Variants in TBCE observed in about 807,000 individuals in gnomAD.
TBCE encodes the protein tubulin folding cofactor E, also known as tubulin-specific chaperone E.
TBCE carries 53 observed loss-of-function variants against 77.0 expected under a neutral mutation model. The observed-to-expected ratio is 0.69, with a 90% CI of 0.55 to 0.87. TBCE has a LOEUF of 0.87. Ranked by LOEUF, TBCE falls within the 40% of genes least tolerant of loss-of-function variation. TBCE has a pLI of 0.00. For missense variants in TBCE, 624 were observed against 622.4 expected (o/e 1.00, Z -0.03); for synonymous variants, 235 against 241.3 (o/e 0.97, Z 0.24).
intron 12 of TBCE, among the ~76,000 whole-genome samples, chr1:235,437,779 C>A (rs1210779061): frequency 1.3e-5 from 2 of 150,584 alleles, no homozygotes; most frequent in Non-Finnish European, 3.0e-5. Context: ...ATGAACATGC[C>A]ACTGCACTCC....
intron 3 of TBCE, among the ~76,000 whole-genome samples, chr1:235,405,094 C>T (rs998972959): frequency 3.3e-5 from 5 of 151,728 alleles, no homozygotes; most frequent in African/African-American, 1.2e-4. Flanking sequence ...TTCCGAGTAG[C>T]TGGGACTACA....
At chr1:235,394,064 AATTTT>A (rs1460237824) in intron 2 of TBCE, among the ~76,000 whole-genome samples, 2 of 152,108 alleles carry the variant, frequency 1.3e-5, no homozygotes, top group Non-Finnish European at 2.9e-5. Context: ...ATTTGTAACA[AATTTT>A]ATTTTATTTT....
chr1:235,403,989 A>T (rs1358794383), intron 3 of TBCE, among the ~76,000 whole-genome samples: 3 of 152,232 alleles, frequency 2.0e-5, no homozygotes, highest in Non-Finnish European at 4.4e-5. Context: ...CAGTAAAAAT[A>T]AAAAATTGGC....
At chr1:235,448,496 C>CATTA (rs1319664947) in intron 16 of TBCE, 56 bp downstream of exon 16, 17 of 1,529,564 alleles carry the variant, frequency 1.1e-5, no homozygotes, top group Non-Finnish European at 1.5e-5. Flanking sequence ...CGTATTATGA[C>CATTA]ATTAAACTGT....
At chr1:235,393,676 G>C (rs1572350781) in intron 2 of TBCE, among the ~76,000 whole-genome samples, 1 of 152,054 alleles carries the variant, frequency 6.6e-6, no homozygotes, top group Non-Finnish European at 1.5e-5. Flanking sequence ...GTTGACACAG[G>C]TAGTCTGGTA....
chr1:235,397,466 G>T (rs143143470), intron 2 of TBCE, among the ~76,000 whole-genome samples: 1 of 152,164 alleles, frequency 6.6e-6, no homozygotes, highest in Non-Finnish European at 1.5e-5. Flanking sequence ...ACCCGCTTTG[G>T]CCTCCCAAAG....
intron 13 of TBCE, among the ~76,000 whole-genome samples, chr1:235,439,814 T>C (rs1339243718): frequency 4.6e-5 from 7 of 151,330 alleles, no homozygotes; most frequent in Non-Finnish European, 8.8e-5. Flanking sequence ...TCTTTTTTTT[T>C]CTTTTGAGAC....
At position 235,450,189 on chromosome 1, in the gene TBCE, G is replaced by A; in HGVS notation, c.*1427G>A. 1.2e-6 allele frequency: 2 copies of A among 1,613,908 alleles called. No homozygotes were observed. Among genetic ancestry groups the A allele is most frequent in the Non-Finnish European group, 1.7e-6 (2 of 1,179,886 alleles). ...TTTGCCTGCCCTGATTTTAGACTCT[G>A]CTAATTCAAGTCCCTGTTATCTTGC... On this transcript the variant is annotated 3_prime_UTR_variant, in exon 17 of 17. Coordinates refer to ENST00000642610, the MANE Select transcript of TBCE (RefSeq NM_003193.5).
At chr1:235,418,795 A>G (rs1680239142) in intron 4 of TBCE, among the ~76,000 whole-genome samples, 1 of 152,218 alleles carries the variant, frequency 6.6e-6, no homozygotes. Flanking sequence ...GGAGTAGAAT[A>G]CCATTTATAT....
chr1:235,433,172 G>A lies in TBCE; in HGVS notation c.661-1032G>A, dbSNP rs187761630. On this transcript the variant is annotated intron_variant, in intron 7 of 16. Coordinates refer to ENST00000642610, the MANE Select transcript of TBCE (RefSeq NM_003193.5). ...ATCTGCAGGACTGTTTGCAGGATGG[G>A]TGAGTCAGATGATTCCATTCTCTAA... 4,401 of 1,343,054 alleles carry A rather than the reference G, an allele frequency of 3.3e-3. 9 individuals carry two copies. The highest frequency in any genetic ancestry group is 3.6e-3 in the Non-Finnish European group (3,773 of 1,039,886). 83.2% of individuals were successfully genotyped at this position (1,343,054 alleles called of 1,614,324 possible). A position where few individuals can be genotyped will look rare whatever the true frequency, so the allele number is the denominator to read the frequency against.
rs1471498521 is a variant in TBCE at position 235,451,216 on chromosome 1, C to G, written c.*2454C>G. On this transcript the variant is annotated 3_prime_UTR_variant, in exon 17 of 17. Transcript: ENST00000642610. ...ATAAAACAAAACACACTCAGCTTGT[C>G]TGTCTCAGTCTTGCCCCTCAGTGGG... is the stretch of plus-strand genomic sequence containing the variant. The G allele has an allele frequency of 6.6e-6, 1 of 152,178 alleles. No homozygotes were observed. The highest frequency in any genetic ancestry group is 2.4e-5 in the African/African-American group (1 of 41,426). The allele number at this position is 152,178 out of a possible 1,614,324, so 9.4% of individuals were successfully genotyped here.
intron 3 of TBCE, among the ~76,000 whole-genome samples, chr1:235,403,267 C>G (rs1352634739): frequency 6.6e-6 from 1 of 152,064 alleles, no homozygotes; most frequent in Admixed American, 6.6e-5. Flanking sequence ...AGTGCAGTGG[C>G]GTGATCTTGG....
chr1:235,407,234 A>G (rs976164666), intron 3 of TBCE, among the ~76,000 whole-genome samples: 5 of 151,062 alleles, frequency 3.3e-5, no homozygotes, highest in Admixed American at 2.6e-4. Flanking sequence ...CCTATGCTCA[A>G]GCAGTTCTCC....
chr1:235,411,941 T>C (rs1295490274), intron 3 of TBCE, among the ~76,000 whole-genome samples: 1 of 151,866 alleles, frequency 6.6e-6, no homozygotes, highest in Non-Finnish European at 1.5e-5. Context: ...CTTTGCCCTA[T>C]TGCCCCACCC....
At chr1:235,431,176 G>A (rs76849185) in intron 7 of TBCE, among the ~76,000 whole-genome samples, 122 of 152,200 alleles carry the variant, frequency 8.0e-4, no homozygotes, top group African/African-American at 2.8e-3. Context: ...AAGCCAAGCA[G>A]CAGAAAGGTT....
At chr1:235,419,708 G>C in intron 5 of TBCE, 147 bp downstream of exon 5, 1 of 1,147,160 alleles carries the variant, frequency 8.7e-7, no homozygotes, top group Non-Finnish European at 1.3e-6. Context: ...TTGGGGCCCA[G>C]ATAAATTATT....
At chr1:235,371,475 A>G (rs1205582136) in intron 1 of TBCE, among the ~76,000 whole-genome samples, 1 of 149,558 alleles carries the variant, frequency 6.7e-6, no homozygotes, top group East Asian at 2.0e-4. Context: ...TCCCGGGTTC[A>G]AGTGATTCTC....
chr1:235,442,017 T>G, intron 14 of TBCE, 135 bp downstream of exon 14: 4 of 766,196 alleles, frequency 5.2e-6, no homozygotes, highest in Non-Finnish European at 8.3e-6. Context: ...AATTTTTTTT[T>G]TTTTTTTTGA....
intron 13 of TBCE, among the ~76,000 whole-genome samples, chr1:235,439,146 T>G (rs1385446803): frequency 6.6e-6 from 1 of 152,054 alleles, no homozygotes; most frequent in Non-Finnish European, 1.5e-5. Context: ...TTTATGTTCT[T>G]GAAATGGAGA....
Sources: gnomAD v4.1 joint callset for allele counts (sites outside exome capture counted in the v4.1 genomes callset) on GRCh38, gnomAD v4.1.1 for gene constraint, MANE v1.5 for transcripts, NCBI Gene and HGNC (gene_info 2026-07-23, HGNC 2026-07-21) for gene names.